Variants in DAB1 observed in about 807,000 individuals in gnomAD.
The protein encoded by DAB1 is DAB adaptor protein 1.
Under a neutral mutation model 64.6 loss-of-function variants are expected in DAB1, and 15 were observed. That is an observed-to-expected ratio of 0.23 (90% confidence interval 0.16 to 0.36). The LOEUF is 0.36. DAB1 is among the 10% of genes least tolerant of loss of function. The pLI is 1.00. For synonymous variants in DAB1, 235 were observed against 251.9 expected (o/e 0.93, Z 0.64); for missense variants, 596 against 706.7 (o/e 0.84, Z 1.78).
intron 3 of DAB1, among the ~76,000 whole-genome samples, chr1:58,453,489 T>C (rs182546017): frequency 7.9e-5 from 12 of 152,314 alleles, no homozygotes; most frequent in Admixed American, 7.2e-4. Context: ...TGTCAGCCTA[T>C]CTGTAGCAAT....
chr1:58,334,042 C>T (rs761679199), intron 4 of DAB1, among the ~76,000 whole-genome samples: 5 of 152,290 alleles, frequency 3.3e-5, no homozygotes, highest in Admixed American at 6.5e-5. Context: ...ATCTTCTCAA[C>T]CTATTGCCAT....
At chr1:57,087,770 C>A (rs1408212213) in intron 4 of DAB1, among the ~76,000 whole-genome samples, 1 of 152,226 alleles carries the variant, frequency 6.6e-6, no homozygotes, top group Non-Finnish European at 1.5e-5. Flanking sequence ...CTCTTTTTCT[C>A]TGCTTTCCCT....
At chr1:58,495,994 G>A (rs1366919185) in intron 3 of DAB1, among the ~76,000 whole-genome samples, 1 of 152,054 alleles carries the variant, frequency 6.6e-6, no homozygotes, top group Non-Finnish European at 1.5e-5. Context: ...GCTTCCCATG[G>A]ATGATACTCT....
At position 58,316,100 on chromosome 1, in the gene DAB1, T is replaced by G. The variant is rs541566125; in HGVS notation, n.309+27252A>C. ...CTCTCTGAGAGGCAAATGCCTTATC[T>G]CTAACATGAAGATAGTAATTCTTAC... is the stretch of plus-strand genomic sequence containing the variant. On this transcript the variant is annotated intron_variant and non_coding_transcript_variant, in intron 4 of 20. Coordinates refer to the DAB1 transcript ENST00000485760. Among the ~76,000 whole-genome samples, 5 of 152,342 alleles carry G rather than the reference T, an allele frequency of 3.3e-5. No homozygotes were observed. The South Asian group carries it at 1.0e-3, about 32-fold the overall frequency.
In DAB1 at chr1:57,546,255, C is replaced by T. The variant is rs917772155; in HGVS notation, n.625+103337G>A. On this transcript the variant is annotated intron_variant and non_coding_transcript_variant, in intron 7 of 20. Coordinates refer to the DAB1 transcript ENST00000485760. ...AAACAATTCAACACAAGTCCTAAGG[C>T]TCCTGGTTAAGGTGTCTGTTAAAGC... Among the ~76,000 whole-genome samples the T allele has an allele frequency of 2.6e-5, 4 of 152,266 alleles. No homozygotes were observed. In the South Asian group the frequency reaches 8.3e-4, roughly 32 times the overall value.
At chr1:57,247,536 A>T (rs1438688018) in intron 2 of DAB1, among the ~76,000 whole-genome samples, 1 of 152,210 alleles carries the variant, frequency 6.6e-6, no homozygotes, top group East Asian at 1.9e-4. Flanking sequence ...GAACAGACTA[A>T]TATAAGCTCC....
chr1:57,233,669 G>C (rs1667873657), intron 2 of DAB1, among the ~76,000 whole-genome samples: 1 of 151,520 alleles, frequency 6.6e-6, no homozygotes, highest in South Asian at 2.1e-4. Flanking sequence ...TGAGGCAGGG[G>C]AATTGCTTGA....
intron 2 of DAB1, among the ~76,000 whole-genome samples, chr1:57,205,989 T>G (rs1665503946): frequency 6.6e-6 from 1 of 152,234 alleles, no homozygotes; most frequent in Non-Finnish European, 1.5e-5. Context: ...TTCTTTTCAA[T>G]AAGCATTTGT....
chr1:57,783,691 C>T (rs562823529), intron 6 of DAB1, among the ~76,000 whole-genome samples: 2 of 152,254 alleles, frequency 1.3e-5, no homozygotes, highest in South Asian at 4.1e-4. Flanking sequence ...CACTTCGTGT[C>T]TGTGTCCCAT....
chr1:57,726,112 T>C (rs1006954093), intron 6 of DAB1, among the ~76,000 whole-genome samples: 1 of 152,336 alleles, frequency 6.6e-6, no homozygotes. Context: ...GTTCTAGTTC[T>C]TGGAGATACA....
chr1:57,439,918 C>T (rs1447506113), intron 7 of DAB1, among the ~76,000 whole-genome samples: 2 of 152,048 alleles, frequency 1.3e-5, no homozygotes, highest in East Asian at 3.9e-4. Context: ...CAGTGGAAAA[C>T]AAAATTAGTT....
chr1:58,480,771 T>C (rs192515819), intron 3 of DAB1: 44 of 445,504 alleles, frequency 9.9e-5, no homozygotes, highest in African/African-American at 7.7e-4. Flanking sequence ...TGAAGATATT[T>C]TAACATAGAT....
chr1:58,177,992 T>G (rs1481460542), intron 4 of DAB1, among the ~76,000 whole-genome samples: 1 of 152,184 alleles, frequency 6.6e-6, no homozygotes, highest in African/African-American at 2.4e-5. Context: ...CTCCTCCCAG[T>G]GGGGTTGTAA....
At chr1:57,568,015 A>T (rs1455492596) in intron 7 of DAB1, among the ~76,000 whole-genome samples, 1 of 152,184 alleles carries the variant, frequency 6.6e-6, no homozygotes, top group East Asian at 1.9e-4. Flanking sequence ...ACGCTACCTG[A>T]CCTCAACCTA....
chr1:57,874,834 A>T lies in DAB1; in HGVS notation n.87+9165T>A, dbSNP rs141896818. ...CAGTAACTAAGAATGTGGGAAATGC[A>T]AGCTGAAGAGAGTGCAGGAAGGCAA... On this transcript the variant is annotated intron_variant and non_coding_transcript_variant, in intron 1 of 1. Transcript: ENST00000477280. Among the ~76,000 whole-genome samples the T allele has an allele frequency of 2.0e-4, 30 of 152,272 alleles. No homozygotes were observed. The Middle Eastern group carries it at 0.01, about 52-fold the overall frequency.
chr1:58,542,892 G>A (rs1488116681), intron 1 of DAB1, among the ~76,000 whole-genome samples: 6 of 152,086 alleles, frequency 3.9e-5, no homozygotes, highest in Non-Finnish European at 5.9e-5. Flanking sequence ...ACAGTATTCC[G>A]CACAGGAATA....
At chr1:58,195,971 A>G (rs187457659) in intron 4 of DAB1, among the ~76,000 whole-genome samples, 1 of 152,044 alleles carries the variant, frequency 6.6e-6, no homozygotes, top group Non-Finnish European at 1.5e-5. Flanking sequence ...AAACTATCTG[A>G]CTCCTTTACC....
chr1:57,611,441 T>C (rs988200990), intron 7 of DAB1, among the ~76,000 whole-genome samples: 1 of 152,230 alleles, frequency 6.6e-6, no homozygotes, highest in African/African-American at 2.4e-5. Context: ...TGCATAAATC[T>C]GAATAGTTAT....
chr1:57,766,522 C>T (rs1437006690), intron 6 of DAB1, among the ~76,000 whole-genome samples: 1 of 152,142 alleles, frequency 6.6e-6, no homozygotes, highest in Non-Finnish European at 1.5e-5. Context: ...CTTTTCTCTG[C>T]ACGCAGTGTT....
Sources: gnomAD v4.1 joint callset for allele counts (sites outside exome capture counted in the v4.1 genomes callset) on GRCh38, gnomAD v4.1.1 for gene constraint, MANE v1.5 for transcripts, NCBI Gene and HGNC (gene_info 2026-07-23, HGNC 2026-07-21) for gene names.